Variants in HAPSTR1 observed in about 807,000 individuals in gnomAD.
The protein encoded by HAPSTR1 is HUWE1 associated protein modifying stress responses.
chr16:9,112,172 T>G, the HAPSTR1 span: 6 of 152,190 alleles, frequency 3.9e-5, no homozygotes. Context: ...TTTTTAAATG[T>G]TTGAACTCCC....
chr16:9,107,281 A>G, the HAPSTR1 span: 2 of 152,392 alleles, frequency 1.3e-5, no homozygotes, highest in South Asian at 2.1e-4. Flanking sequence ...GTCTCTGGAA[A>G]TACATAAACA....
chr16:9,092,140 C>G, the HAPSTR1 span: 3 of 1,556,802 alleles, frequency 1.9e-6, no homozygotes, highest in Non-Finnish European at 2.6e-6. Context: ...TGGCCGAGGC[C>G]GAACAGGACG....
the HAPSTR1 span, among the ~76,000 whole-genome samples, chr16:9,097,325 C>A: frequency 6.6e-6 from 1 of 151,730 alleles, no homozygotes; most frequent in Non-Finnish European, 1.5e-5. Context: ...TCACTGTAAC[C>A]TCCACCTTCC....
the HAPSTR1 span, chr16:9,109,257 T>C: frequency 6.6e-6 from 1 of 152,104 alleles, no homozygotes; most frequent in Non-Finnish European, 1.5e-5. Flanking sequence ...CTGGAAAGGG[T>C]TGGATTGAAA....
chr16:9,093,547 C>T, the HAPSTR1 span, among the ~76,000 whole-genome samples: 2 of 152,176 alleles, frequency 1.3e-5, no homozygotes, highest in Admixed American at 6.5e-5. Flanking sequence ...TGAAAGCTTG[C>T]TAATCGGAGT....
the HAPSTR1 span, chr16:9,092,163 C>T: frequency 6.4e-7 from 1 of 1,568,748 alleles, no homozygotes; most frequent in Non-Finnish European, 8.6e-7. Context: ...CAGCTGCCCC[C>T]CGAGCTGCAG....
At chr16:9,097,564 T>C in the HAPSTR1 span, among the ~76,000 whole-genome samples, 3 of 152,182 alleles carry the variant, frequency 2.0e-5, no homozygotes, top group African/African-American at 2.4e-5. Context: ...TGAAAGAATA[T>C]GTTGGTTGCA....
chr16:9,107,504 T>G, the HAPSTR1 span: 1 of 152,258 alleles, frequency 6.6e-6, no homozygotes, highest in African/African-American at 2.4e-5. Flanking sequence ...CCTGAGCTGT[T>G]GTTGCCAGTC....
At chr16:9,112,635 C>G in the HAPSTR1 span, 1 of 152,204 alleles carries the variant, frequency 6.6e-6, no homozygotes, top group Admixed American at 6.5e-5. Flanking sequence ...AACTGAATTA[C>G]ATGTAATTAA....
At chr16:9,095,285 G>A in the HAPSTR1 span, among the ~76,000 whole-genome samples, 2 of 152,024 alleles carry the variant, frequency 1.3e-5, no homozygotes, top group Admixed American at 1.3e-4. Flanking sequence ...TTCAGGGTGT[G>A]GTCTTTAGAG....
the HAPSTR1 span, among the ~76,000 whole-genome samples, chr16:9,115,699 CCGCCTCCCGGGTT>C: frequency 3.9e-5 from 6 of 152,282 alleles, no homozygotes; most frequent in Admixed American, 2.6e-4. Flanking sequence ...TTTGCAACCA[CCGCCTCCCGGGTT>C]CAAGCGATTC....
At chr16:9,116,213 T>G in the HAPSTR1 span, among the ~76,000 whole-genome samples, 2 of 152,190 alleles carry the variant, frequency 1.3e-5, no homozygotes, top group Non-Finnish European at 2.9e-5. Flanking sequence ...CAAGCCCACC[T>G]AGGCCTGGAA....
chr16:9,096,454 T>C, the HAPSTR1 span, among the ~76,000 whole-genome samples: 1 of 152,262 alleles, frequency 6.6e-6, no homozygotes, highest in Non-Finnish European at 1.5e-5. Flanking sequence ...AATAGTCTGA[T>C]GCCCTTAAGT....
the HAPSTR1 span, chr16:9,120,513 TAGAC>T: frequency 1.4e-4 from 3 of 22,076 alleles, no homozygotes; most frequent in Non-Finnish European, 2.6e-4. Context: ...GAAGTTCAGT[TAGAC>T]AGTAGCCTGT....
chr16:9,093,965 T>A, the HAPSTR1 span, among the ~76,000 whole-genome samples: 2 of 152,104 alleles, frequency 1.3e-5, no homozygotes, highest in South Asian at 4.1e-4. Context: ...CTTTGTGCAT[T>A]TCAAAAATAC....
the HAPSTR1 span, chr16:9,120,653 T>C: frequency 2.0e-5 from 3 of 150,938 alleles, no homozygotes; most frequent in African/African-American, 4.9e-5. Context: ...TTTTATACAT[T>C]AGAAGTAATA....
At chr16:9,096,740 A>C in the HAPSTR1 span, among the ~76,000 whole-genome samples, 1 of 152,242 alleles carries the variant, frequency 6.6e-6, no homozygotes. Context: ...CTAAGCATTA[A>C]ATTTCTATTT....
At chr16:9,108,692 T>C in the HAPSTR1 span, 3 of 152,148 alleles carry the variant, frequency 2.0e-5, no homozygotes, top group Non-Finnish European at 2.9e-5. Context: ...TTAGTAGACT[T>C]AAAGGTGAAT....
At chr16:9,095,026 A>C in the HAPSTR1 span, among the ~76,000 whole-genome samples, 1 of 152,264 alleles carries the variant, frequency 6.6e-6, no homozygotes. Context: ...TTTCCTGCTC[A>C]GAAAACTTAA....
Sources: gnomAD v4.1 joint callset for allele counts (sites outside exome capture counted in the v4.1 genomes callset) on GRCh38, gnomAD v4.1.1 for gene constraint, MANE v1.5 for transcripts, NCBI Gene and HGNC (gene_info 2026-07-23, HGNC 2026-07-21) for gene names.